CPA6: variants seen among roughly 807,000 people sequenced by gnomAD.
CPA6 encodes carboxypeptidase B.
In CPA6, 58 loss-of-function variants were observed where a neutral mutation model predicts 63.3. That is an observed-to-expected ratio of 0.92 (90% CI 0.74 to 1.14). CPA6 has a LOEUF of 1.14. CPA6 is among the 50% of genes most tolerant of loss of function. The pLI is 0.00. For synonymous variants in CPA6, 185 were observed against 179.0 expected (o/e 1.03, Z -0.27); for missense variants, 565 against 526.6 (o/e 1.07, Z -0.71).
intron 2 of CPA6, among the ~76,000 whole-genome samples, chr8:67,597,116 A>C (rs1814360044): frequency 2.6e-5 from 4 of 151,562 alleles, no homozygotes; most frequent in African/African-American, 9.7e-5. Context: ...ACTACGCATT[A>C]CTTCTTCAGA....
At chr8:67,723,756 AT>A (rs1038303442) in intron 1 of CPA6, among the ~76,000 whole-genome samples, 34 of 152,368 alleles carry the variant, frequency 2.2e-4, no homozygotes, top group African/African-American at 7.9e-4. Flanking sequence ...GTACAAAAAA[AT>A]AATTCCATAT....
At chr8:67,562,584 G>A (rs769483386) in intron 2 of CPA6, among the ~76,000 whole-genome samples, 12 of 152,174 alleles carry the variant, frequency 7.9e-5, no homozygotes, top group Non-Finnish European at 1.6e-4. Context: ...AACCCCCAAG[G>A]TGATGGTATT....
chr8:67,575,283 G>A (rs1333610016), intron 2 of CPA6, among the ~76,000 whole-genome samples: 1 of 152,194 alleles, frequency 6.6e-6, no homozygotes, highest in Non-Finnish European at 1.5e-5. Flanking sequence ...GTACACTGTT[G>A]GTGGGAATGT....
At chr8:67,449,486 AAAGCAGAATAC>A (rs1288116096) in intron 8 of CPA6, among the ~76,000 whole-genome samples, 1 of 152,144 alleles carries the variant, frequency 6.6e-6, no homozygotes. Context: ...CCAATTCCTA[AAAGCAGAATAC>A]AAAATCAAAA....
intron 1 of CPA6, among the ~76,000 whole-genome samples, chr8:67,649,431 G>GT (rs1251454209): frequency 6.6e-6 from 1 of 151,956 alleles, no homozygotes; most frequent in Non-Finnish European, 1.5e-5. Flanking sequence ...ATGCCCAATA[G>GT]TTTTTTTCAT....
At chr8:67,466,964 CA>C (rs1810940880) in intron 8 of CPA6, among the ~76,000 whole-genome samples, 1 of 152,084 alleles carries the variant, frequency 6.6e-6, no homozygotes, top group South Asian at 2.1e-4. Context: ...ATTACATTGC[CA>C]GCATTAGGCT....
rs1206368925 is a variant in CPA6, at chr8:67,514,109, C to A, written c.318-2454G>T. ...AGTAGCTGGGATTACAGCCACGCAC[C>A]AACATGCCTGGCTAATTTTTGTATT... is the stretch of plus-strand genomic sequence containing the variant. On this transcript the variant is annotated intron_variant, in intron 3 of 10. Coordinates refer to ENST00000297770, the MANE Select transcript of CPA6 (RefSeq NM_020361.5). 2.0e-5 allele frequency among the ~76,000 whole-genome samples: 3 copies of A among 152,044 alleles called. No homozygotes were observed. In the East Asian group the frequency reaches 5.8e-4, roughly 29 times the overall value.
At chr8:67,519,632 T>C (rs1812219755) in intron 2 of CPA6, among the ~76,000 whole-genome samples, 2 of 152,218 alleles carry the variant, frequency 1.3e-5, no homozygotes. Context: ...CTCCACTCGC[T>C]TGCAAGGGCA....
chr8:67,574,465 C>T (rs1813571838), intron 2 of CPA6, among the ~76,000 whole-genome samples: 1 of 151,600 alleles, frequency 6.6e-6, no homozygotes, highest in African/African-American at 2.4e-5. Flanking sequence ...AGAGGTATCA[C>T]ACCAACTGTA....
intron 1 of CPA6, among the ~76,000 whole-genome samples, chr8:67,719,023 A>AT (rs201900529): frequency 5.9e-5 from 9 of 151,578 alleles, no homozygotes; most frequent in South Asian, 2.1e-4. Context: ...GGCTGCCAAT[A>AT]TTTTTTTTTC....
chr8:67,498,876 C>G (rs547271605), intron 6 of CPA6, among the ~76,000 whole-genome samples: 1 of 152,146 alleles, frequency 6.6e-6, no homozygotes, highest in Non-Finnish European at 1.5e-5. Flanking sequence ...GTAGCATGTA[C>G]TGCAAACAGA....
chr8:67,717,188 C>T (rs756656404), intron 1 of CPA6, among the ~76,000 whole-genome samples: 8 of 152,080 alleles, frequency 5.3e-5, no homozygotes, highest in East Asian at 1.9e-4. Context: ...AGGGAATAGC[C>T]GGGACTTTGA....
chr8:67,714,026 A>T lies in CPA6; in HGVS notation c.116+31988T>A, dbSNP rs746443309. Among the ~76,000 whole-genome samples, 14 of 151,052 alleles carry T rather than the reference A, an allele frequency of 9.3e-5. No homozygotes were observed. The South Asian group carries it at 1.3e-3, about 14-fold the overall frequency. ...AAATTAAAATAATTGCCATGTTAAA[A>T]TTTTTTTTTTAAATATCAAGGTTAA... On this transcript the variant is annotated intron_variant, in intron 1 of 10. Transcript: ENST00000297770.
At position 67,450,162 on chromosome 8, in the gene CPA6, C is replaced by G. The variant is rs1199886708; in HGVS notation, c.839-15922G>C. On this transcript the variant is annotated intron_variant, in intron 8 of 10. Coordinates refer to ENST00000297770, the MANE Select transcript of CPA6 (RefSeq NM_020361.5). ...TTCATTTTGGAGGCTTATGTGATATCAAAATAAAAATATAACCCATTCAAT... is the reference window on the plus strand; with the variant it reads ...TTCATTTTGGAGGCTTATGTGATATGAAAATAAAAATATAACCCATTCAAT... Among the ~76,000 whole-genome samples, 4 of 151,982 alleles carry G rather than the reference C, an allele frequency of 2.6e-5. No homozygotes were observed. The East Asian group carries it at 7.7e-4, about 29-fold the overall frequency.
At chr8:67,533,617 T>C (rs1015787357) in intron 2 of CPA6, among the ~76,000 whole-genome samples, 1 of 152,258 alleles carries the variant, frequency 6.6e-6, no homozygotes, top group African/African-American at 2.4e-5. Flanking sequence ...CTAAGTTTAT[T>C]GCACAAGCAT....
intron 6 of CPA6, among the ~76,000 whole-genome samples, chr8:67,495,494 TTA>T (rs1220507770): frequency 6.6e-6 from 1 of 152,174 alleles, no homozygotes; most frequent in African/African-American, 2.4e-5. Flanking sequence ...TGAAATTTTT[TTA>T]TATGTTTTTT....
intron 1 of CPA6, among the ~76,000 whole-genome samples, chr8:67,705,267 C>A (rs541701341): frequency 6.6e-6 from 1 of 152,178 alleles, no homozygotes; most frequent in Non-Finnish European, 1.5e-5. Flanking sequence ...TCCCCACCCC[C>A]GATGGCCTTG....
chr8:67,519,056 G>T (rs970447968), intron 2 of CPA6, among the ~76,000 whole-genome samples: 4 of 152,192 alleles, frequency 2.6e-5, no homozygotes, highest in African/African-American at 7.2e-5. Flanking sequence ...TCCTGGAACA[G>T]TGCCTTGTGT....
chr8:67,494,892 C>A (rs1811676803), intron 6 of CPA6, among the ~76,000 whole-genome samples: 1 of 152,164 alleles, frequency 6.6e-6, no homozygotes, highest in Admixed American at 6.5e-5. Flanking sequence ...GTCTGCTGCC[C>A]AAATTAGGCC....
Sources: allele counts gnomAD v4.1 joint callset (sites outside exome capture counted in the v4.1 genomes callset), GRCh38; gene constraint gnomAD v4.1.1; transcripts MANE v1.5; gene names NCBI Gene and HGNC (gene_info 2026-07-23, HGNC 2026-07-21).